TLE1: variants seen among roughly 807,000 people sequenced by gnomAD.
TLE1 encodes transducin-like enhancer protein 1.
In TLE1, 21 loss-of-function variants were observed where a neutral mutation model predicts 89.8. That is an observed-to-expected ratio of 0.23 (90% CI 0.17 to 0.34). TLE1 has a LOEUF of 0.34. TLE1 is among the 10% of genes least tolerant of loss of function. The pLI, the probability that TLE1 is intolerant of heterozygous loss-of-function variation, is 1.00. For missense variants in TLE1, 795 were observed against 1,031.2 expected (o/e 0.77, Z 3.14); for synonymous variants, 447 against 407.6 (o/e 1.10, Z -1.16).
At chr9:81,633,257 C>A in intron 8 of TLE1, 91 bp downstream of exon 8, 2 of 1,591,810 alleles carry the variant, frequency 1.3e-6, no homozygotes, top group Non-Finnish European at 1.7e-6. Flanking sequence ...TCTGTCTGTG[C>A]CTGTGTGGAG....
intron 8 of TLE1, 138 bp from the exon 9 acceptor site, chr9:81,620,695 G>T: frequency 6.8e-7 from 1 of 1,460,956 alleles, no homozygotes; most frequent in Non-Finnish European, 9.0e-7. Context: ...CTCATCTAAA[G>T]ACTTTGATGG....
chr9:81,645,744 AAAAAT>A (rs142767138), intron 6 of TLE1, among the ~76,000 whole-genome samples: 3 of 151,870 alleles, frequency 2.0e-5, no homozygotes, highest in Non-Finnish European at 4.4e-5. Flanking sequence ...CTGTCTCCAA[AAAAAT>A]AAAATAAAAT....
intron 15 of TLE1, among the ~76,000 whole-genome samples, chr9:81,591,656 T>C (rs143069664): frequency 6.6e-5 from 10 of 152,304 alleles, no homozygotes; most frequent in African/African-American, 1.4e-4. Context: ...GATGCAGATA[T>C]GGCTAAAGTT....
chr9:81,663,810 A>G (rs1298080712), intron 4 of TLE1, among the ~76,000 whole-genome samples: 1 of 151,772 alleles, frequency 6.6e-6, no homozygotes, highest in Non-Finnish European at 1.5e-5. Flanking sequence ...TATTTTTAGT[A>G]GAGACGGGGT....
At chr9:81,666,051 C>T (rs1178202480) in intron 4 of TLE1, among the ~76,000 whole-genome samples, 1 of 152,114 alleles carries the variant, frequency 6.6e-6, no homozygotes, top group African/African-American at 2.4e-5. Flanking sequence ...TTGACAAAAG[C>T]ATCACAGCTG....
intron 10 of TLE1, among the ~76,000 whole-genome samples, 187 bp from the exon 11 acceptor site, chr9:81,616,321 TA>T (rs373529882): frequency 2.3e-4 from 34 of 147,038 alleles, no homozygotes; most frequent in South Asian, 4.4e-4. Context: ...AAACATGCCA[TA>T]AAAAAAAAAC....
At chr9:81,609,931 G>A (rs1384309438) in intron 14 of TLE1, among the ~76,000 whole-genome samples, 1 of 152,196 alleles carries the variant, frequency 6.6e-6, no homozygotes. Context: ...AGCTTTCTGA[G>A]GGGTCAGGCG....
intron 6 of TLE1, among the ~76,000 whole-genome samples, chr9:81,646,841 A>T (rs1828919535): frequency 6.6e-6 from 1 of 152,182 alleles, no homozygotes; most frequent in African/African-American, 2.4e-5. Context: ...TTTTAATTTT[A>T]TACTAAGTTG....
At chr9:81,671,889 A>G (rs1385454843) in intron 4 of TLE1, among the ~76,000 whole-genome samples, 1 of 152,184 alleles carries the variant, frequency 6.6e-6, no homozygotes, top group Non-Finnish European at 1.5e-5. Flanking sequence ...CAATGGTCCA[A>G]TTCCAATCTC....
chr9:81,664,283 T>C (rs1831187244), intron 4 of TLE1, among the ~76,000 whole-genome samples: 1 of 150,014 alleles, frequency 6.7e-6, no homozygotes. Context: ...TAGGGATACA[T>C]GAATAAAAAC....
At chr9:81,610,894 G>C (rs1823625816) in intron 13 of TLE1, among the ~76,000 whole-genome samples, 1 of 152,128 alleles carries the variant, frequency 6.6e-6, no homozygotes, top group African/African-American at 2.4e-5. Flanking sequence ...GCAGCGTTAA[G>C]GACAGCATGT....
At chr9:81,616,583 G>T in intron 10 of TLE1, 63 bp downstream of exon 10, 1 of 1,578,864 alleles carries the variant, frequency 6.3e-7, no homozygotes, top group Non-Finnish European at 8.7e-7. Flanking sequence ...TTCACTGTTA[G>T]TTTTTTTTCA....
At position 81,626,426 on chromosome 9, in the gene TLE1, G is replaced by A. The variant is rs998275307; in HGVS notation, c.595-5869C>T. Among the ~76,000 whole-genome samples the A allele has an allele frequency of 2.6e-5, 4 of 152,072 alleles. No individual in the cohort carries two copies. The South Asian group carries it at 6.2e-4, about 24-fold the overall frequency. ...CACCCTGCGCTGCACTTTTTGCTAC[G>A]GTCCAACTGGTCATTCACGTACTCT... On this transcript the variant is annotated intron_variant, in intron 8 of 19. Transcript: ENST00000376499.
rs113493594 is a variant in TLE1 at position 81,632,583 on chromosome 9, TTCTC to T, written c.594+761_594+764del. 8.9e-3 allele frequency among the ~76,000 whole-genome samples: 1,349 copies of T among 151,582 alleles called. 15 individuals are homozygous for T. Among genetic ancestry groups the T allele is most frequent in the African/African-American group, 0.031 (1,263 of 41,314 alleles). The stretch of plus-strand genomic sequence containing the variant: ...TTATCCCAGCTGAAAAGGGGCTGAA[TTCTC>T]TCTATTTGCTACACAACATTTGAGA... On this transcript the variant is annotated intron_variant, in intron 8 of 19. Transcript: ENST00000376499.
chr9:81,660,934 A>ACACACACAC (rs1830689328), intron 4 of TLE1, among the ~76,000 whole-genome samples: 1 of 88,818 alleles, frequency 1.1e-5, no homozygotes, highest in African/African-American at 4.3e-5. Flanking sequence ...ATCCCTACTA[A>ACACACACAC]ACACACACAC....
chr9:81,646,494 A>G (rs1828880385), intron 6 of TLE1, among the ~76,000 whole-genome samples: 1 of 152,170 alleles, frequency 6.6e-6, no homozygotes, highest in African/African-American at 2.4e-5. Flanking sequence ...CCTAGGGAGA[A>G]TTTGTTTTAT....
chr9:81,649,730 A>AG (rs1829307772), intron 6 of TLE1, among the ~76,000 whole-genome samples: 1 of 152,132 alleles, frequency 6.6e-6, no homozygotes, highest in Non-Finnish European at 1.5e-5. Context: ...TGCTGCTTGT[A>AG]GGAACAGACA....
intron 16 of TLE1, 62 bp downstream of exon 16, chr9:81,590,743 A>T: frequency 6.3e-7 from 1 of 1,576,828 alleles, no homozygotes; most frequent in South Asian, 1.2e-5. Context: ...AGAGAGAAGC[A>T]GAGGTGATAG....
At chr9:81,629,963 T>C (rs1470703010) in intron 8 of TLE1, among the ~76,000 whole-genome samples, 1 of 152,252 alleles carries the variant, frequency 6.6e-6, no homozygotes, top group Non-Finnish European at 1.5e-5. Context: ...TACCATAAAA[T>C]CTTTAACTAG....
Sources: gnomAD v4.1 joint callset for allele counts (sites outside exome capture counted in the v4.1 genomes callset) on GRCh38, gnomAD v4.1.1 for gene constraint, MANE v1.5 for transcripts, NCBI Gene and HGNC (gene_info 2026-07-23, HGNC 2026-07-21) for gene names.